Variants in DENND4A observed in about 807,000 individuals in gnomAD.
The protein encoded by DENND4A is DENN domain containing 4A.
In DENND4A, 70 loss-of-function variants were observed where a neutral mutation model predicts 199.3. That is an observed-to-expected ratio of 0.35 (90% CI 0.29 to 0.43). The LOEUF (loss-of-function observed/expected upper bound fraction) is 0.43, where lower values mean the gene tolerates loss of function less well. Ranked by LOEUF, DENND4A falls within the 20% of genes least tolerant of loss-of-function variation. DENND4A has a pLI of 1.00. For missense variants in DENND4A, 1,723 were observed against 2,255.8 expected (o/e 0.76, Z 4.78); for synonymous variants, 686 against 766.9 (o/e 0.89, Z 1.74).
chr15:65,750,181 A>G (rs1401610827), intron 4 of DENND4A, among the ~76,000 whole-genome samples: 1 of 152,256 alleles, frequency 6.6e-6, no homozygotes, highest in Non-Finnish European at 1.5e-5. Flanking sequence ...TGTCTTGTGC[A>G]GCAACGTGGA....
Position 65,729,445 on chromosome 15 carries a change from T to C in DENND4A, c.1311+89A>G. 2.0e-6 allele frequency: 3 copies of C among 1,486,538 alleles called. No individual in the cohort carries two copies. The South Asian group carries it at 3.8e-5, about 19-fold the overall frequency. The allele number at this position is 1,486,538 out of a possible 1,614,324, so 92.1% of individuals were successfully genotyped here. On this transcript the variant is annotated intron_variant, in intron 10 of 32. Transcript: ENST00000443035. ...CACAAATTCATTACTCTCTGAATTT[T>C]AGTTAAGTTATATTAAAATGGCTTT...
chr15:65,748,640 C>A (rs148107243), intron 4 of DENND4A, among the ~76,000 whole-genome samples: 1,791 of 134,536 alleles, frequency 0.013, 20 homozygotes, highest in African/African-American at 0.026. Flanking sequence ...AAAAAACAAA[C>A]AAAAAAAACA....
At position 65,787,287 on chromosome 15, in the gene DENND4A, T is replaced by C. The variant is rs559339805; in HGVS notation, c.-102+4723A>G. ...ATGTATATACACTTTAACATACATA[T>C]GGAAAACACATTTTTACACAGATCA... On this transcript the variant is annotated intron_variant, in intron 1 of 32. Coordinates refer to ENST00000443035, the MANE Select transcript of DENND4A (RefSeq NM_001320835.1). Among the ~76,000 whole-genome samples, 709 of 152,294 alleles carry C rather than the reference T, an allele frequency of 4.7e-3. 2 individuals are homozygous for C. The highest frequency in any genetic ancestry group is 6.8e-3 in the Middle Eastern group (2 of 294).
intron 7 of DENND4A, among the ~76,000 whole-genome samples, chr15:65,735,042 C>T (rs1191859251): frequency 6.6e-6 from 1 of 152,104 alleles, no homozygotes; most frequent in Non-Finnish European, 1.5e-5. Flanking sequence ...ATGATCATGC[C>T]ACTGCACTCC....
At chr15:65,756,082 A>C in intron 3 of DENND4A, 58 bp downstream of exon 3, 1 of 1,412,806 alleles carries the variant, frequency 7.1e-7, no homozygotes, top group Non-Finnish European at 9.5e-7. Context: ...TTAATCTCCA[A>C]ATCTACAAGG....
intron 19 of DENND4A, 142 bp from the exon 20 acceptor site, chr15:65,700,817 A>G (rs2074842537): frequency 1.0e-6 from 1 of 986,744 alleles, no homozygotes; most frequent in Non-Finnish European, 1.4e-6. Flanking sequence ...TAACAAAGAA[A>G]CCTATTGTGA....
intron 22 of DENND4A, among the ~76,000 whole-genome samples, chr15:65,695,524 T>C (rs548010868): frequency 6.6e-6 from 1 of 152,328 alleles, no homozygotes; most frequent in Admixed American, 6.5e-5. Flanking sequence ...TAGTTTGCCT[T>C]TCCCTGAACT....
At chr15:65,776,633 T>C (rs1596682622) in intron 1 of DENND4A, among the ~76,000 whole-genome samples, 1 of 152,236 alleles carries the variant, frequency 6.6e-6, no homozygotes, top group Non-Finnish European at 1.5e-5. Flanking sequence ...CTGAAAGCCA[T>C]GTTTTATGAA....
At chr15:65,663,948 G>A (rs1472712926) in intron 32 of DENND4A, among the ~76,000 whole-genome samples, 5 of 151,920 alleles carry the variant, frequency 3.3e-5, no homozygotes, top group Non-Finnish European at 5.9e-5. Flanking sequence ...TACCGCACCC[G>A]GCTCCTTTCA....
At chr15:65,738,001 C>T (rs2076160995) in intron 6 of DENND4A, 56 bp from the exon 7 acceptor site, 4 of 1,475,060 alleles carry the variant, frequency 2.7e-6, no homozygotes, top group East Asian at 2.5e-5. Context: ...ATCCAAATCA[C>T]ATCATCAGTT....
intron 20 of DENND4A, among the ~76,000 whole-genome samples, 181 bp from the exon 21 acceptor site, chr15:65,697,564 T>C (rs902716209): frequency 6.6e-6 from 1 of 152,234 alleles, no homozygotes; most frequent in African/African-American, 2.4e-5. Context: ...ATCCCTTCCA[T>C]CATCTCTATT....
intron 1 of DENND4A, among the ~76,000 whole-genome samples, chr15:65,790,439 T>C (rs2077684581): frequency 6.6e-6 from 1 of 152,220 alleles, no homozygotes; most frequent in Non-Finnish European, 1.5e-5. Context: ...TACACTGTTA[T>C]AAAATTCCAC....
At chr15:65,708,266 C>T (rs2075128022) in intron 14 of DENND4A, among the ~76,000 whole-genome samples, 1 of 152,088 alleles carries the variant, frequency 6.6e-6, no homozygotes. Context: ...CCTCAGCCTC[C>T]CAAAAATGTT....
intron 12 of DENND4A, among the ~76,000 whole-genome samples, chr15:65,718,341 T>TC (rs1199629772): frequency 3.3e-5 from 5 of 152,172 alleles, no homozygotes; most frequent in Non-Finnish European, 2.9e-5. Flanking sequence ...TAAGAGAGAT[T>TC]CTGTCTTTAC....
intron 1 of DENND4A, among the ~76,000 whole-genome samples, chr15:65,783,078 G>A (rs993824852): frequency 6.6e-6 from 1 of 151,358 alleles, no homozygotes; most frequent in African/African-American, 2.4e-5. Flanking sequence ...TAATTACCAT[G>A]TAATTTAGAT....
Position 65,681,571 on chromosome 15 carries a change from A to ATTT in DENND4A, c.4180-4940_4180-4938dup, listed in dbSNP as rs1319956178. Among the ~76,000 whole-genome samples the ATTT allele has an allele frequency of 2.6e-4, 37 of 142,332 alleles. 1 individual carries two copies. The highest frequency in any genetic ancestry group is 2.9e-4 in the Non-Finnish European group (19 of 65,914). The allele number at this position is 142,332 out of a possible 152,430, so 93.4% of individuals were successfully genotyped here. A position where few individuals can be genotyped will look rare whatever the true frequency, so the allele number is the denominator to read the frequency against. ...ATTCAACTTGACTCCTTGACATTTC[A>ATTT]TTTTTTTGTTTTTTTTTTTTTTGAG... On this transcript the variant is annotated intron_variant, in intron 23 of 32. Coordinates refer to ENST00000443035, the MANE Select transcript of DENND4A (RefSeq NM_001320835.1).
chr15:65,776,014 CCTTA>C lies in DENND4A; in HGVS notation c.-101-14580_-101-14577del, dbSNP rs553581126. Among the ~76,000 whole-genome samples, 312 of 152,272 alleles carry C rather than the reference CCTTA, an allele frequency of 2.0e-3. 2 individuals are homozygous for C. The highest frequency in any genetic ancestry group is 7.1e-3 in the African/African-American group (296 of 41,564). Reference sequence around the variant, plus strand: ...TTGGAGACCTGCTCTTCGAAGCCTTCCTTACTGTTTTCTCCATGAGACCGTCATT... The same window carrying C: ...TTGGAGACCTGCTCTTCGAAGCCTTCCTGTTTTCTCCATGAGACCGTCATT... On this transcript the variant is annotated intron_variant, in intron 1 of 32. Transcript: ENST00000443035.
intron 1 of DENND4A, among the ~76,000 whole-genome samples, chr15:65,768,080 C>T (rs1388410128): frequency 2.6e-5 from 4 of 152,252 alleles, no homozygotes; most frequent in Admixed American, 2.6e-4. Flanking sequence ...GTGGCACGAT[C>T]ATGGCTCACC....
intron 32 of DENND4A, among the ~76,000 whole-genome samples, chr15:65,663,722 T>C (rs1056221015): frequency 1.3e-5 from 2 of 152,002 alleles, no homozygotes; most frequent in Non-Finnish European, 2.9e-5. Flanking sequence ...CCGTCATGGC[T>C]CACTGCAGCC....
Sources: allele counts gnomAD v4.1 joint callset (sites outside exome capture counted in the v4.1 genomes callset), GRCh38; gene constraint gnomAD v4.1.1; transcripts MANE v1.5; gene names NCBI Gene and HGNC (gene_info 2026-07-23, HGNC 2026-07-21).